Variants in SPHKAP observed in about 807,000 individuals in gnomAD.
SPHKAP encodes SPHK1 interactor, AKAP domain containing, also known as A-kinase anchor protein SPHKAP.
SPHKAP carries 67 observed loss-of-function variants against 137.5 expected under a neutral mutation model. The observed-to-expected ratio is 0.49, with a 90% CI of 0.40 to 0.60. The LOEUF (loss-of-function observed/expected upper bound fraction) is 0.60. SPHKAP is among the 20% of genes least tolerant of loss of function. The probability of loss-of-function intolerance (pLI) is 0.00; values close to 1 mark genes in which losing one functional copy is unlikely to be tolerated. For missense variants in SPHKAP, 2,097 were observed against 2,069.3 expected, an observed-to-expected ratio of 1.01 and a Z score of -0.26; for synonymous variants, 813 against 785.3, an observed-to-expected ratio of 1.04 and a Z score of -0.59.
intron 1 of SPHKAP, among the ~76,000 whole-genome samples, chr2:228,154,659 C>T (rs1700054975): frequency 7.0e-6 from 1 of 143,298 alleles, no homozygotes; most frequent in South Asian, 2.3e-4. Context: ...CGCCATTCTC[C>T]TACCTCAGCC....
chr2:228,110,809 A>G (rs1238097606), intron 2 of SPHKAP, among the ~76,000 whole-genome samples: 1 of 152,174 alleles, frequency 6.6e-6, no homozygotes, highest in African/African-American at 2.4e-5. Flanking sequence ...CTTCTCGCTA[A>G]AGGGTTTTGT....
intron 2 of SPHKAP, among the ~76,000 whole-genome samples, chr2:228,109,654 C>T (rs192286080): frequency 6.6e-6 from 1 of 152,240 alleles, no homozygotes; most frequent in Admixed American, 6.5e-5. Flanking sequence ...TTATCAATAA[C>T]TGCTAATGTC....
intron 5 of SPHKAP, among the ~76,000 whole-genome samples, chr2:228,024,342 GTTTTT>G (rs56031418): frequency 4.1e-4 from 51 of 124,542 alleles, no homozygotes; most frequent in African/African-American, 1.4e-3. Context: ...TGCAGAGGCA[GTTTTT>G]TTTTTTTTTT....
At position 227,991,395 on chromosome 2, in the gene SPHKAP, C is replaced by T. The variant is rs554061432; in HGVS notation, c.4722-69G>A. 6.1e-5 allele frequency: 99 copies of T among 1,609,904 alleles called. No individual in the cohort carries two copies. The African/African-American group carries it at 9.6e-4, about 16-fold the overall frequency. On this transcript the variant is annotated intron_variant, in intron 9 of 11. Coordinates refer to ENST00000392056, the MANE Select transcript of SPHKAP (RefSeq NM_001142644.2). ...AATAAGCTGTAAATGAAAGATGAGG[C>T]GATGGGTCTTACTGATCTAAAAGCT...
chr2:228,133,885 GCA>G (rs1699345898), intron 1 of SPHKAP, among the ~76,000 whole-genome samples: 1 of 152,016 alleles, frequency 6.6e-6, no homozygotes, highest in African/African-American at 2.4e-5. Context: ...GGCAAAATCT[GCA>G]CAGAGTAATT....
chr2:228,030,536 C>CAAAAAAAA (rs1263087267), intron 3 of SPHKAP, among the ~76,000 whole-genome samples: 1 of 41,890 alleles, frequency 2.4e-5, no homozygotes, highest in Non-Finnish European at 4.4e-5. Context: ...AAAAAAACAA[C>CAAAAAAAA]AAAAAACAAA....
chr2:228,129,807 T>C (rs1323984167), intron 2 of SPHKAP, among the ~76,000 whole-genome samples: 1 of 150,348 alleles, frequency 6.7e-6, no homozygotes, highest in Non-Finnish European at 1.5e-5. Flanking sequence ...TCTTTTTTTT[T>C]TTTTTTTGAG....
intron 1 of SPHKAP, among the ~76,000 whole-genome samples, chr2:228,166,900 C>T (rs923672890): frequency 3.3e-5 from 5 of 152,088 alleles, no homozygotes; most frequent in African/African-American, 1.2e-4. Context: ...AGTTTACAGT[C>T]ATGGCAGAAA....
At chr2:228,036,935 G>A (rs4973601) in intron 3 of SPHKAP, among the ~76,000 whole-genome samples, 58,013 of 151,606 alleles carry the variant, frequency 0.38, 11,554 homozygotes, top group South Asian at 0.51. Context: ...CTAATGCTAA[G>A]TGACGAGTTA....
intron 7 of SPHKAP, among the ~76,000 whole-genome samples, chr2:228,003,731 C>G (rs558258199): frequency 6.6e-6 from 1 of 152,218 alleles, no homozygotes; most frequent in South Asian, 2.1e-4. Flanking sequence ...TTTTTAGATA[C>G]ATCCCATCAA....
chr2:228,130,313 C>T (rs1219148490), intron 2 of SPHKAP, among the ~76,000 whole-genome samples: 4 of 152,252 alleles, frequency 2.6e-5, no homozygotes, highest in Non-Finnish European at 4.4e-5. Flanking sequence ...TGATAATATT[C>T]TTCTGTAGAG....
intron 1 of SPHKAP, among the ~76,000 whole-genome samples, chr2:228,159,498 G>T (rs1455335480): frequency 6.6e-6 from 1 of 152,160 alleles, no homozygotes; most frequent in Non-Finnish European, 1.5e-5. Flanking sequence ...AAGATGGGAT[G>T]CTATCTCCCT....
chr2:228,038,273 G>C (rs1695709055), intron 3 of SPHKAP, among the ~76,000 whole-genome samples: 1 of 152,192 alleles, frequency 6.6e-6, no homozygotes, highest in African/African-American at 2.4e-5. Flanking sequence ...CCAGGAGAAG[G>C]CTGAATTTGA....
chr2:228,013,896 G>GT (rs1200311207), intron 7 of SPHKAP, among the ~76,000 whole-genome samples: 1 of 152,134 alleles, frequency 6.6e-6, no homozygotes, highest in African/African-American at 2.4e-5. Context: ...AATTTCTAGG[G>GT]TGGATGACTC....
chr2:228,123,870 T>A (rs1407440088), intron 2 of SPHKAP, among the ~76,000 whole-genome samples: 5 of 152,162 alleles, frequency 3.3e-5, no homozygotes, highest in African/African-American at 1.2e-4. Context: ...TACAGAGAAC[T>A]CAAACAAATT....
In SPHKAP at chr2:228,016,806, T is replaced by C. The variant is rs1347272888; in HGVS notation, c.4048A>G (p.Arg1350Gly). ...CTGCACATCCTGCTCGCAGCTAATCTATTTGCACACTTCTCTGCTTGCGAG... is the reference window on the plus strand; with the variant it reads ...CTGCACATCCTGCTCGCAGCTAATCCATTTGCACACTTCTCTGCTTGCGAG... Reference protein sequence around the residue: ...SPSQAEKCANRLAASRMCSGP... With the variant: ...SPSQAEKCANGLAASRMCSGP... Residue 1350 changes from arginine to glycine, a missense_variant, in exon 7 of 12, where the codon AGA (arginine) becomes GGA (glycine). Coordinates refer to ENST00000392056, the MANE Select transcript of SPHKAP (RefSeq NM_001142644.2). 1 of 1,614,024 alleles carries C rather than the reference T, an allele frequency of 6.2e-7. No homozygotes were observed. The highest frequency in any genetic ancestry group is 8.5e-7 in the Non-Finnish European group (1 of 1,180,002).
chr2:228,040,001 G>A (rs1695777423), intron 3 of SPHKAP, among the ~76,000 whole-genome samples: 1 of 152,108 alleles, frequency 6.6e-6, no homozygotes, highest in Admixed American at 6.6e-5. Context: ...TAGCCTAGGA[G>A]GTGAGCCCTT....
chr2:228,109,628 T>A (rs1031888610), intron 2 of SPHKAP, among the ~76,000 whole-genome samples: 4 of 152,168 alleles, frequency 2.6e-5, no homozygotes, highest in African/African-American at 9.7e-5. Flanking sequence ...AGCTGAGATA[T>A]TTTGAAGATG....
At chr2:228,024,588 CTT>C (rs1332093425) in intron 5 of SPHKAP, among the ~76,000 whole-genome samples, 1 of 151,894 alleles carries the variant, frequency 6.6e-6, no homozygotes, top group Non-Finnish European at 1.5e-5. Flanking sequence ...AATTTGGAGA[CTT>C]TTGGGCTTTT....
Sources: gnomAD v4.1 joint callset for allele counts (sites outside exome capture counted in the v4.1 genomes callset) on GRCh38, gnomAD v4.1.1 for gene constraint, MANE v1.5 for transcripts, NCBI Gene and HGNC (gene_info 2026-07-23, HGNC 2026-07-21) for gene names.